Variants in NTRK3 observed in about 807,000 individuals in gnomAD.
NTRK3 encodes the protein neurotrophic receptor tyrosine kinase 3, also known as NT-3 growth factor receptor.
In NTRK3, 24 loss-of-function variants were observed where a neutral mutation model predicts 91.7. The observed-to-expected ratio is 0.26, with a 90% confidence interval of 0.19 to 0.37. NTRK3 has a LOEUF of 0.37. NTRK3 is among the 10% of genes least tolerant of loss of function. The probability of loss-of-function intolerance (pLI) is 1.00; values close to 1 mark genes in which losing one functional copy is unlikely to be tolerated. For missense variants in NTRK3, 880 were observed against 1,068.9 expected (o/e 0.82, Z 2.46); for synonymous variants, 483 against 404.0 (o/e 1.20, Z -2.34).
chr15:87,876,892 G>A (rs1368829664), exon 19 of NTRK3: 2 of 1,602,936 alleles, frequency 1.2e-6, no homozygotes, highest in Non-Finnish European at 1.7e-6. Context: ...GAGGCAGGGA[G>A]AGAGGAGGCA....
At chr15:87,960,611 A>C (rs1289583502) in intron 14 of NTRK3, among the ~76,000 whole-genome samples, 1 of 151,716 alleles carries the variant, frequency 6.6e-6, no homozygotes, top group Non-Finnish European at 1.5e-5. Context: ...CAGCCTCCCT[A>C]GTAGCTGAGA....
chr15:88,225,527 GA>G (rs2050596580), intron 3 of NTRK3, among the ~76,000 whole-genome samples: 1 of 152,198 alleles, frequency 6.6e-6, no homozygotes, highest in African/African-American at 2.4e-5. Context: ...GTGGGAGGAT[GA>G]AGAGTCCAGG....
intron 3 of NTRK3, among the ~76,000 whole-genome samples, chr15:88,222,057 C>G (rs1475846440): frequency 6.6e-6 from 1 of 152,188 alleles, no homozygotes; most frequent in Non-Finnish European, 1.5e-5. Context: ...CCTGTCATAC[C>G]TCAAAGCATG....
intron 17 of NTRK3, among the ~76,000 whole-genome samples, chr15:87,888,629 A>G (rs774663822): frequency 3.9e-5 from 6 of 152,148 alleles, no homozygotes; most frequent in African/African-American, 1.4e-4. Flanking sequence ...TGCTTTTACT[A>G]ATTTGCTTCA....
At chr15:88,076,826 C>T (rs1314627878) in intron 13 of NTRK3, among the ~76,000 whole-genome samples, 2 of 152,124 alleles carry the variant, frequency 1.3e-5, no homozygotes, top group African/African-American at 4.8e-5. Flanking sequence ...GGTGCAGTGG[C>T]TCATGCCTGC....
At chr15:88,136,660 A>C in intron 7 of NTRK3, 51 bp from the exon 8 acceptor site, 1 of 1,589,012 alleles carries the variant, frequency 6.3e-7, no homozygotes, top group Non-Finnish European at 8.6e-7. Flanking sequence ...TTACTACCCA[A>C]AGGAAGCTCT....
At chr15:88,150,879 C>G in intron 5 of NTRK3, among the ~76,000 whole-genome samples, 1 of 152,166 alleles carries the variant, frequency 6.6e-6, no homozygotes, top group East Asian at 1.9e-4. Context: ...AATAAACAAG[C>G]TTCTGTATGA....
rs549402726 is a variant in NTRK3 at position 87,930,773 on chromosome 15, A to G, written c.1890-1339T>C. ...CCCTCGACTGATAGAGCCTAGGAAG[A>G]CAGATTAATGGAACCTACTGGGAAT... On this transcript the variant is annotated intron_variant, in intron 16 of 18. Transcript: ENST00000394480. Among the ~76,000 whole-genome samples the G allele has an allele frequency of 3.9e-5, 6 of 152,322 alleles. No individual in the cohort carries two copies. The South Asian group carries it at 1.2e-3, about 32-fold the overall frequency.
At chr15:87,960,133 T>C (rs1296145393) in intron 14 of NTRK3, among the ~76,000 whole-genome samples, 1 of 152,196 alleles carries the variant, frequency 6.6e-6, no homozygotes, top group Non-Finnish European at 1.5e-5. Context: ...TGTTCATCAG[T>C]ACCTTGTTTG....
At chr15:87,985,826 C>G (rs2074718400) in intron 14 of NTRK3, among the ~76,000 whole-genome samples, 1 of 152,094 alleles carries the variant, frequency 6.6e-6, no homozygotes. Flanking sequence ...TGAAGGCTCT[C>G]ACAGCTTGTC....
Position 88,255,267 on chromosome 15 carries a change from A to G in NTRK3, c.248+639T>C, listed in dbSNP as rs1041208641. Among the ~76,000 whole-genome samples, 3 of 152,102 alleles carry G rather than the reference A, an allele frequency of 2.0e-5. No individual in the cohort carries two copies. Among genetic ancestry groups the G allele is most frequent in the African/African-American group, 7.2e-5 (3 of 41,446 alleles). On this transcript the variant is annotated intron_variant, in intron 3 of 18. Coordinates refer to ENST00000394480, the Ensembl canonical transcript of NTRK3. The surrounding 1 kb of genome is among the most constrained non-coding windows in gnomAD (Gnocchi z 4.3). ...AAGGGGTGTCTCGGAAATGCCCAAA[A>G]TGGGGCTGGAGAGGGCGGGCTGCAG...
intron 3 of NTRK3, among the ~76,000 whole-genome samples, chr15:88,201,904 C>T (rs1439700668): frequency 2.0e-5 from 3 of 152,156 alleles, no homozygotes; most frequent in African/African-American, 4.8e-5. Context: ...TTACTGATAA[C>T]AACTTTATAA....
At chr15:87,919,701 C>A (rs1038545662) in intron 17 of NTRK3, among the ~76,000 whole-genome samples, 2 of 152,146 alleles carry the variant, frequency 1.3e-5, no homozygotes, top group Non-Finnish European at 2.9e-5. Flanking sequence ...GAATCTTGGA[C>A]AATTATCCTC....
intron 13 of NTRK3, among the ~76,000 whole-genome samples, chr15:88,094,110 G>A (rs1353573585): frequency 6.6e-6 from 1 of 152,136 alleles, no homozygotes; most frequent in Admixed American, 6.5e-5. Flanking sequence ...TAAAAAGCCA[G>A]TGGAAGGGGC....
At chr15:87,860,340 T>C (rs915777017) in exon 19 of NTRK3, 1 of 216,474 alleles carries the variant, frequency 4.6e-6, no homozygotes, top group Non-Finnish European at 9.3e-6. Context: ...AAAAAATAAT[T>C]TTTTGTTTTC....
intron 10 of NTRK3, among the ~76,000 whole-genome samples, chr15:88,129,343 TCATGTAGCA>T (rs1184204964): frequency 2.6e-5 from 4 of 152,210 alleles, no homozygotes; most frequent in Non-Finnish European, 5.9e-5. Context: ...GTTAAATGCT[TCATGTAGCA>T]CATCACTCAA....
At chr15:87,998,159 G>C (rs186468043) in intron 14 of NTRK3, among the ~76,000 whole-genome samples, 107 of 152,224 alleles carry the variant, frequency 7.0e-4, no homozygotes, top group Admixed American at 6.3e-3. Context: ...TGTGATCATC[G>C]AAAGTGTCTC....
chr15:87,899,695 TA>T (rs1202413956), intron 17 of NTRK3, among the ~76,000 whole-genome samples: 8 of 152,228 alleles, frequency 5.3e-5, no homozygotes, highest in African/African-American at 1.9e-4. Flanking sequence ...AAACAATACA[TA>T]GCACAGCAGA....
At chr15:87,939,793 CTCCA>C (rs751686317) in intron 15 of NTRK3, among the ~76,000 whole-genome samples, 1 of 152,312 alleles carries the variant, frequency 6.6e-6, no homozygotes, top group East Asian at 1.9e-4. Context: ...CTGTGCGTGC[CTCCA>C]TGAGGCTACT....
Sources: allele counts gnomAD v4.1 joint callset (sites outside exome capture counted in the v4.1 genomes callset), GRCh38; gene constraint gnomAD v4.1.1; non-coding constraint Gnocchi (gnomAD v3.1); transcripts MANE v1.5; gene names NCBI Gene and HGNC (gene_info 2026-07-23, HGNC 2026-07-21).